Variants in ALDH3B2 observed in about 807,000 individuals in gnomAD.
ALDH3B2 encodes the protein aldehyde dehydrogenase family 3 member B2.
A neutral mutation model predicts 36.7 loss-of-function variants in ALDH3B2; 45 were observed. That is an observed-to-expected ratio of 1.23 (90% CI 0.97 to 1.57). The LOEUF is 1.57. Ranked by LOEUF, ALDH3B2 falls within the 40% of genes most tolerant of loss-of-function variation. ALDH3B2 has a pLI of 0.00. For synonymous variants in ALDH3B2, 217 were observed against 226.5 expected, an observed-to-expected ratio of 0.96 and a Z score of 0.38; for missense variants, 464 against 513.3, an observed-to-expected ratio of 0.90 and a Z score of 0.93.
chr11:67,665,568 G>C lies in ALDH3B2; in HGVS notation c.423C>G (p.Asn141Lys), dbSNP rs1341969642. Reference sequence around the variant, plus strand: ...GGTTGGCCACGGTCTGGGGGTCGCAGTTGTCGTCCACGTAGCAGGGGTTCT... The same window carrying C: ...GGTTGGCCACGGTCTGGGGGTCGCACTTGTCGTCCACGTAGCAGGGGTTCT... The change falls in exon 7 of 10, where the codon AAC (asparagine) becomes AAG (lysine). Residue 141 changes from asparagine to lysine, a missense_variant. Physicochemically the swap from Asn to Lys is moderately conservative, Grantham distance 94. Coordinates refer to ENST00000349015, the Ensembl canonical transcript of ALDH3B2. 7 of 1,614,142 alleles carry C rather than the reference G, an allele frequency of 4.3e-6. No homozygotes were observed. The South Asian group carries it at 7.7e-5, about 18-fold the overall frequency.
intron 1 of ALDH3B2, among the ~76,000 whole-genome samples, chr11:67,669,091 G>A (rs1293765739): frequency 6.6e-6 from 1 of 151,780 alleles, no homozygotes; most frequent in Non-Finnish European, 1.5e-5. Flanking sequence ...GTGTGTCCGT[G>A]TGTCTTTGTG....
intron 1 of ALDH3B2, chr11:67,681,069 T>C (rs1053681175): frequency 5.2e-5 from 8 of 152,390 alleles, no homozygotes; most frequent in African/African-American, 9.7e-5. Context: ...TATTAGTCTG[T>C]TCTCACACTG....
At chr11:67,678,343 C>T (rs138872836), upstream of ALDH3B2, among the ~76,000 whole-genome samples, 395 of 152,234 alleles carry the variant, frequency 2.6e-3, 3 homozygotes, top group Middle Eastern at 0.01. Context: ...TGATCTTCAA[C>T]AAATAAACAA....
rs373278700 is a variant in ALDH3B2, at chr11:67,665,269, G to A, written c.706+16C>T. The A allele has an allele frequency of 6.3e-7, 1 of 1,584,996 alleles. No individual in the cohort carries two copies. Among genetic ancestry groups the A allele is most frequent in the African/African-American group, 1.3e-5 (1 of 74,220 alleles). ...GTCTTGGCCCAGGTGGGCTGCGGTA[G>A]GGCAGCAGGACTCACCGATGTAGCG... On this transcript the variant is annotated intron_variant, in intron 7 of 9. Coordinates refer to ENST00000349015, the Ensembl canonical transcript of ALDH3B2.
chr11:67,668,642 GTA>G (rs1855988716), intron 1 of ALDH3B2, among the ~76,000 whole-genome samples: 1 of 151,974 alleles, frequency 6.6e-6, no homozygotes, highest in Non-Finnish European at 1.5e-5. Context: ...GTGTGTGTGT[GTA>G]TGGCTGTCTG....
At chr11:67,669,889 T>G (rs1218651077) in intron 1 of ALDH3B2, among the ~76,000 whole-genome samples, 2 of 146,884 alleles carry the variant, frequency 1.4e-5, no homozygotes, top group Admixed American at 1.4e-4. Flanking sequence ...GGTGTCTGCG[T>G]ATGGGTGTGT....
At chr11:67,678,202 C>T (rs116635763), upstream of ALDH3B2, among the ~76,000 whole-genome samples, 330 of 152,228 alleles carry the variant, frequency 2.2e-3, 1 homozygote, top group African/African-American at 7.5e-3. Context: ...CATCATACTA[C>T]CTACCTGATT....
chr11:67,665,329 C>A (rs188008035), exon 7 of ALDH3B2: 5 of 1,611,334 alleles, frequency 3.1e-6, no homozygotes, highest in African/African-American at 1.3e-5. Context: ...AATGGCCACG[C>A]GGCTGCAGCC....
upstream of ALDH3B2, among the ~76,000 whole-genome samples, chr11:67,675,164 C>T (rs752881808): frequency 1.3e-5 from 2 of 152,114 alleles, no homozygotes; most frequent in South Asian, 4.1e-4. Flanking sequence ...CCTTGATGGG[C>T]GACGGCACCT....
upstream of ALDH3B2, among the ~76,000 whole-genome samples, chr11:67,678,669 A>G (rs1342286646): frequency 6.8e-6 from 1 of 148,118 alleles, no homozygotes; most frequent in Admixed American, 6.9e-5. Context: ...ATATATATAT[A>G]CACACACACT....
exon 10 of ALDH3B2, chr11:67,663,001 T>A: frequency 1.6e-6 from 1 of 609,546 alleles, no homozygotes. Flanking sequence ...TGGCATGTTC[T>A]GCGGCCTCTT....
At chr11:67,665,578 A>G (rs776551724) in exon 7 of ALDH3B2, 4 of 1,614,072 alleles carry the variant, frequency 2.5e-6, no homozygotes, top group Non-Finnish European at 2.5e-6. Context: ...GTTGTCGTCC[A>G]CGTAGCAGGG....
At chr11:67,666,027 A>G (rs1855897327) in intron 6 of ALDH3B2, 95 bp downstream of exon 6, 2 of 1,465,828 alleles carry the variant, frequency 1.4e-6, no homozygotes, top group Non-Finnish European at 1.9e-6. Context: ...ACGTGCCCCC[A>G]CTGCTGGCCC....
At chr11:67,667,686 C>T (rs113948878) in intron 1 of ALDH3B2, 51 bp from the exon 2 acceptor site, 4,854 of 281,876 alleles carry the variant, frequency 0.017, 52 homozygotes, top group Non-Finnish European at 0.025. Flanking sequence ...CCCTCCTTCA[C>T]GGGCACCCTC....
At chr11:67,677,358 G>C (rs149940934), upstream of ALDH3B2, among the ~76,000 whole-genome samples, 1,355 of 152,214 alleles carry the variant, frequency 8.9e-3, 28 homozygotes, top group African/African-American at 0.031. Flanking sequence ...AAAATCACAT[G>C]ATCATCTCAA....
At chr11:67,666,798 G>A in intron 3 of ALDH3B2, 104 bp from the exon 4 acceptor site, 1 of 1,608,838 alleles carries the variant, frequency 6.2e-7, no homozygotes, top group South Asian at 1.1e-5. Context: ...TCCCAGGAGA[G>A]ACGAGAAAAT....
At chr11:67,664,309 C>A (rs1199193965) in intron 8 of ALDH3B2, 87 bp downstream of exon 8, 3 of 1,589,988 alleles carry the variant, frequency 1.9e-6, no homozygotes, top group African/African-American at 1.3e-5. Flanking sequence ...TGCTCTAAAG[C>A]CTTGCTGGGA....
rs746572855 is a variant in ALDH3B2, at chr11:67,665,624, G to T, written c.367C>A (p.Leu123Met). 20 of 1,613,638 alleles carry T rather than the reference G, an allele frequency of 1.2e-5. No individual in the cohort carries two copies. The Middle Eastern group carries it at 9.9e-4, about 80-fold the overall frequency. Residue 123 changes from leucine to methionine, a missense_variant, in exon 7 of 10, where the codon CTG becomes ATG. Physicochemically the swap from Leu to Met is conservative, Grantham distance 15. Coordinates refer to ENST00000349015, the Ensembl canonical transcript of ALDH3B2. ...CCCAGCTCCAGGGTGACAGGCGTCAGGTGCTTGGTGGCAGCAGTCATGACA... is the reference window on the plus strand; with the variant it reads ...CCCAGCTCCAGGGTGACAGGCGTCATGTGCTTGGTGGCAGCAGTCATGACA...
At chr11:67,666,810 A>G in intron 3 of ALDH3B2, 96 bp downstream of exon 3, 1 of 1,609,228 alleles carries the variant, frequency 6.2e-7, no homozygotes, top group Admixed American at 1.7e-5. Context: ...CGAGAAAATC[A>G]GTGACTCGCC....
Sources: allele counts gnomAD v4.1 joint callset (sites outside exome capture counted in the v4.1 genomes callset), GRCh38; gene constraint gnomAD v4.1.1; transcripts MANE v1.5; gene names NCBI Gene and HGNC (gene_info 2026-07-23, HGNC 2026-07-21).